Variants in MYRIP observed in about 807,000 individuals in gnomAD.
MYRIP encodes the protein myosin VIIA and Rab interacting protein.
In MYRIP, 49 loss-of-function variants were observed where a neutral mutation model predicts 98.0. The observed-to-expected ratio is 0.50, with a 90% CI of 0.40 to 0.63. The LOEUF is 0.63. Ranked by LOEUF, MYRIP falls within the 30% of genes least tolerant of loss-of-function variation. MYRIP has a pLI of 0.00. For missense variants in MYRIP, 1,004 were observed against 1,058.2 expected, an observed-to-expected ratio of 0.95 and a Z score of 0.71; for synonymous variants, 404 against 409.5, an observed-to-expected ratio of 0.99 and a Z score of 0.16.
chr3:40,002,465 G>A (rs888338985), intron 2 of MYRIP, among the ~76,000 whole-genome samples: 2 of 152,026 alleles, frequency 1.3e-5, no homozygotes, highest in Admixed American at 1.3e-4. Context: ...AACCCAGGAG[G>A]CGGAGGTTGT....
intron 2 of MYRIP, among the ~76,000 whole-genome samples, chr3:39,933,628 C>T (rs1585286): frequency 0.37 from 56,408 of 151,908 alleles, 10,778 homozygotes; most frequent in East Asian, 0.45. Context: ...AATTTTAAAA[C>T]GACATCTCAT....
chr3:40,140,780 G>T (rs895701445), intron 3 of MYRIP, among the ~76,000 whole-genome samples: 1 of 151,504 alleles, frequency 6.6e-6, no homozygotes, highest in Non-Finnish European at 1.5e-5. Flanking sequence ...ATTTTTTGTG[G>T]GTATATAATA....
At chr3:40,029,438 A>T (rs1275877023) in intron 2 of MYRIP, among the ~76,000 whole-genome samples, 1 of 152,198 alleles carries the variant, frequency 6.6e-6, no homozygotes, top group African/African-American at 2.4e-5. Flanking sequence ...AGCCCTGCTC[A>T]TGTGTTAGAA....
chr3:39,817,271 A>G (rs998494726), intron 1 of MYRIP, among the ~76,000 whole-genome samples: 6 of 152,214 alleles, frequency 3.9e-5, no homozygotes, highest in Non-Finnish European at 7.3e-5. Flanking sequence ...CATGCTCCAG[A>G]AGAGAATGAG....
At chr3:40,050,980 T>C (rs1947784025) in intron 3 of MYRIP, among the ~76,000 whole-genome samples, 1 of 152,158 alleles carries the variant, frequency 6.6e-6, no homozygotes, top group Non-Finnish European at 1.5e-5. Flanking sequence ...CTGTTACGAA[T>C]GAGCAAAGAA....
chr3:40,206,340 G>T (rs1432412695), intron 10 of MYRIP, among the ~76,000 whole-genome samples: 1 of 152,076 alleles, frequency 6.6e-6, no homozygotes, highest in East Asian at 1.9e-4. Context: ...TGTTATTTTT[G>T]AAGTTCTTGT....
At chr3:40,175,136 A>AATAAG (rs1950722542) in intron 8 of MYRIP, among the ~76,000 whole-genome samples, 2 of 151,376 alleles carry the variant, frequency 1.3e-5, no homozygotes, top group African/African-American at 2.4e-5. Flanking sequence ...AAAATAATAA[A>AATAAG]ATAAAAATAA....
chr3:40,036,324 A>C lies in MYRIP; in HGVS notation c.111-7726A>C, dbSNP rs73078975. On this transcript the variant is annotated intron_variant, in intron 2 of 16. Coordinates refer to ENST00000302541, the MANE Select transcript of MYRIP (RefSeq NM_015460.4). ...TACCAAAAAAAAAAAAAAAAAAAAA[A>C]CTTTATTCAAAATGAGCTGTCAACT... Among the ~76,000 whole-genome samples, 88 of 125,626 alleles carry C rather than the reference A, an allele frequency of 7.0e-4. 1 individual carries two copies. The highest frequency in any genetic ancestry group is 7.1e-4 in the Admixed American group (8 of 11,316). 82.4% of individuals were successfully genotyped at this position (125,626 alleles called of 152,430 possible). A position where few individuals can be genotyped will look rare whatever the true frequency, so the allele number is the denominator to read the frequency against.
chr3:40,221,493 T>C (rs1462059465), intron 11 of MYRIP, among the ~76,000 whole-genome samples: 1 of 152,090 alleles, frequency 6.6e-6, no homozygotes, highest in African/African-American at 2.4e-5. Context: ...TAGCCAGCCA[T>C]AGTGGTGAGC....
At chr3:39,956,174 A>G (rs1473085847) in intron 2 of MYRIP, among the ~76,000 whole-genome samples, 1 of 152,276 alleles carries the variant, frequency 6.6e-6, no homozygotes, top group East Asian at 1.9e-4. Context: ...TGCACCAAGG[A>G]GACCTAATAG....
intron 13 of MYRIP, among the ~76,000 whole-genome samples, chr3:40,249,946 C>T (rs1446091175): frequency 6.6e-6 from 1 of 152,090 alleles, no homozygotes; most frequent in Non-Finnish European, 1.5e-5. Context: ...CCCATCGTGT[C>T]CCCAGGCTTT....
chr3:40,031,875 CTCTTT>C (rs1947269736), intron 2 of MYRIP, among the ~76,000 whole-genome samples: 1 of 152,028 alleles, frequency 6.6e-6, no homozygotes, highest in Non-Finnish European at 1.5e-5. Context: ...TGATTCTTCT[CTCTTT>C]TCTTCTTTAT....
At chr3:39,814,461 C>A (rs1450963268) in intron 1 of MYRIP, among the ~76,000 whole-genome samples, 1 of 151,998 alleles carries the variant, frequency 6.6e-6, no homozygotes, top group Non-Finnish European at 1.5e-5. Flanking sequence ...GGTCTTTGAA[C>A]TCCTCTGAAA....
chr3:39,931,243 C>T (rs927756816), intron 2 of MYRIP, among the ~76,000 whole-genome samples: 1 of 151,692 alleles, frequency 6.6e-6, no homozygotes, highest in Non-Finnish European at 1.5e-5. Context: ...ATGTACAAAT[C>T]TTGTAATTTT....
At chr3:39,924,642 C>T (rs1944377318) in intron 2 of MYRIP, among the ~76,000 whole-genome samples, 1 of 151,988 alleles carries the variant, frequency 6.6e-6, no homozygotes, top group Non-Finnish European at 1.5e-5. Flanking sequence ...ATTTAATGGA[C>T]ATTTATAGAA....
chr3:39,874,904 T>G (rs1402768771), intron 1 of MYRIP, among the ~76,000 whole-genome samples: 1 of 152,192 alleles, frequency 6.6e-6, no homozygotes, highest in Admixed American at 6.5e-5. Flanking sequence ...TGGAATAGTT[T>G]CAGAAGGAAT....
intron 1 of MYRIP, among the ~76,000 whole-genome samples, chr3:39,872,381 C>T (rs1942823465): frequency 6.6e-6 from 1 of 151,672 alleles, no homozygotes; most frequent in Non-Finnish European, 1.5e-5. Flanking sequence ...TACATGTGCA[C>T]AATGTGCAGG....
At chr3:40,029,896 C>CA (rs1052211238) in intron 2 of MYRIP, among the ~76,000 whole-genome samples, 2 of 151,730 alleles carry the variant, frequency 1.3e-5, no homozygotes, top group Non-Finnish European at 2.9e-5. Flanking sequence ...CCCGTCTCTA[C>CA]AAAAAAATTA....
At chr3:40,111,164 A>T (rs1371189291) in intron 3 of MYRIP, among the ~76,000 whole-genome samples, 2 of 152,134 alleles carry the variant, frequency 1.3e-5, no homozygotes, top group African/African-American at 4.8e-5. Flanking sequence ...GGCTACAGAC[A>T]AGCCCCCTCC....
Sources: allele counts gnomAD v4.1 joint callset (sites outside exome capture counted in the v4.1 genomes callset), GRCh38; gene constraint gnomAD v4.1.1; transcripts MANE v1.5; gene names NCBI Gene and HGNC (gene_info 2026-07-23, HGNC 2026-07-21).